CNTNAP2: variants seen among roughly 807,000 people sequenced by gnomAD.
CNTNAP2 encodes the protein contactin associated protein 2.
Under a neutral mutation model 155.2 loss-of-function variants are expected in CNTNAP2, and 98 were observed. That is an observed-to-expected ratio of 0.63 (90% CI 0.54 to 0.75). CNTNAP2 has a LOEUF of 0.75. Ranked by LOEUF, CNTNAP2 falls within the 30% of genes least tolerant of loss-of-function variation. The pLI is 0.00. For missense variants in CNTNAP2, 1,727 were observed against 1,688.1 expected (o/e 1.02, Z -0.40); for synonymous variants, 651 against 631.2 (o/e 1.03, Z -0.47).
At chr7:146,804,313 A>G (rs1802931130) in intron 2 of CNTNAP2, among the ~76,000 whole-genome samples, 1 of 152,218 alleles carries the variant, frequency 6.6e-6, no homozygotes, top group Middle Eastern at 3.4e-3. Context: ...AAGCTTATTG[A>G]TCATGCTCAT....
intron 3 of CNTNAP2, among the ~76,000 whole-genome samples, chr7:146,879,408 G>C (rs1403005098): frequency 6.6e-6 from 1 of 152,052 alleles, no homozygotes; most frequent in Non-Finnish European, 1.5e-5. Flanking sequence ...TTGATAAGCT[G>C]TCAAGAGGCA....
At chr7:147,389,254 T>C (rs1400805551) in intron 9 of CNTNAP2, among the ~76,000 whole-genome samples, 1 of 152,150 alleles carries the variant, frequency 6.6e-6, no homozygotes, top group Non-Finnish European at 1.5e-5. Flanking sequence ...CAAGATCAAA[T>C]TGAAAGGAAG....
At chr7:148,027,662 A>G (rs1210043269) in intron 15 of CNTNAP2, among the ~76,000 whole-genome samples, 3 of 152,228 alleles carry the variant, frequency 2.0e-5, no homozygotes, top group Non-Finnish European at 4.4e-5. Flanking sequence ...ACTTTTAACA[A>G]TCATACCATC....
intron 13 of CNTNAP2, among the ~76,000 whole-genome samples, chr7:147,695,342 G>A (rs894705497): frequency 4.6e-5 from 7 of 152,092 alleles, no homozygotes; most frequent in Non-Finnish European, 8.8e-5. Flanking sequence ...TATAGGTGTC[G>A]ACTGTACCTA....
chr7:146,414,789 C>T (rs1003381704), intron 1 of CNTNAP2, among the ~76,000 whole-genome samples: 1 of 152,096 alleles, frequency 6.6e-6, no homozygotes, highest in Non-Finnish European at 1.5e-5. Context: ...AACTAGAAAA[C>T]ACTTGCCAAG....
chr7:146,874,347 T>A (rs1795375971), intron 3 of CNTNAP2, among the ~76,000 whole-genome samples: 1 of 152,144 alleles, frequency 6.6e-6, no homozygotes, highest in Non-Finnish European at 1.5e-5. Flanking sequence ...TTATTTTATT[T>A]TATTTTTTTG....
At chr7:147,768,125 G>T (rs915877166) in intron 13 of CNTNAP2, among the ~76,000 whole-genome samples, 1 of 152,026 alleles carries the variant, frequency 6.6e-6, no homozygotes, top group Non-Finnish European at 1.5e-5. Flanking sequence ...CAAAGTTTTG[G>T]TATCAAAAGG....
In CNTNAP2 at chr7:147,347,463, T is replaced by TATATATATATATATATATATGC; in HGVS notation, c.1498+47185_1498+47186insATATATATGCATATATATATAT. 4.4e-5 allele frequency among the ~76,000 whole-genome samples: 3 copies of TATATATATATATATATATATGC among 67,852 alleles called. No individual in the cohort carries two copies. The East Asian group carries it at 9.9e-4, about 22-fold the overall frequency. 44.5% of individuals were successfully genotyped at this position (67,852 alleles called of 152,430 possible). Reference sequence around the variant, plus strand: ...ATGCATATATATATATATGCATATATATATATATATATGCATATATATATA... The same window carrying TATATATATATATATATATATGC: ...ATGCATATATATATATATGCATATATATATATATATATATATATATGCATATATATATATGCATATATATATA... On this transcript the variant is annotated intron_variant, in intron 9 of 23. Coordinates refer to ENST00000361727, the MANE Select transcript of CNTNAP2 (RefSeq NM_014141.6).
chr7:147,257,157 G>C (rs932192930), intron 8 of CNTNAP2, among the ~76,000 whole-genome samples: 6 of 152,182 alleles, frequency 3.9e-5, no homozygotes, highest in African/African-American at 1.4e-4. Flanking sequence ...TTAGTAGAGA[G>C]ATGGAGTTGT....
Position 146,480,971 on chromosome 7 carries a change from C to T in CNTNAP2, c.98-293300C>T, listed in dbSNP as rs148826583. Among the ~76,000 whole-genome samples, 828 of 151,916 alleles carry T rather than the reference C, an allele frequency of 5.5e-3. 7 individuals are homozygous for T. The highest frequency in any genetic ancestry group is 9.2e-3 in the Non-Finnish European group (628 of 67,956). The stretch of plus-strand genomic sequence containing the variant: ...CTGGTACCACAGGCATGAGCCACCG[C>T]GCCCGGCCCCCAGAACCTGGTATAT... On this transcript the variant is annotated intron_variant, in intron 1 of 23. Coordinates refer to ENST00000361727, the MANE Select transcript of CNTNAP2 (RefSeq NM_014141.6).
At chr7:146,842,778 C>A (rs889379349) in intron 3 of CNTNAP2, among the ~76,000 whole-genome samples, 1 of 151,856 alleles carries the variant, frequency 6.6e-6, no homozygotes, top group Non-Finnish European at 1.5e-5. Flanking sequence ...CTCCGCCTCC[C>A]GGTTTCACGC....
At chr7:146,172,185 A>G (rs1450640431) in intron 1 of CNTNAP2, among the ~76,000 whole-genome samples, 1 of 151,966 alleles carries the variant, frequency 6.6e-6, no homozygotes, top group Non-Finnish European at 1.5e-5. Context: ...TTCTGAAAAT[A>G]CCTATTTCTT....
intron 12 of CNTNAP2, among the ~76,000 whole-genome samples, chr7:147,606,830 G>T (rs1324200866): frequency 1.3e-5 from 2 of 152,204 alleles, no homozygotes; most frequent in African/African-American, 4.8e-5. Context: ...TTGAAGCTGA[G>T]ACCTAAGGGA....
chr7:146,547,332 A>G (rs1377818653), intron 1 of CNTNAP2, among the ~76,000 whole-genome samples: 1 of 151,496 alleles, frequency 6.6e-6, no homozygotes, highest in Non-Finnish European at 1.5e-5. Flanking sequence ...TTTAATTTTT[A>G]TTTTTTGATT....
chr7:148,088,175 C>T lies in CNTNAP2; in HGVS notation c.2384-29943C>T, dbSNP rs560082870. 1.3e-3 allele frequency among the ~76,000 whole-genome samples: 201 copies of T among 152,002 alleles called. 1 individual carries two copies. Among genetic ancestry groups the T allele is most frequent in the Non-Finnish European group, 1.7e-3 (114 of 67,894 alleles). On this transcript the variant is annotated intron_variant, in intron 15 of 23. Coordinates refer to ENST00000361727, the MANE Select transcript of CNTNAP2 (RefSeq NM_014141.6). Reference sequence around the variant, plus strand: ...GTCAATATGTTTTGCATTTTGCTTTCCCACCTCCAATGAATTAGTATAAAC... The same window carrying T: ...GTCAATATGTTTTGCATTTTGCTTTTCCACCTCCAATGAATTAGTATAAAC...
intron 1 of CNTNAP2, among the ~76,000 whole-genome samples, chr7:146,286,348 G>A (rs1800336953): frequency 6.6e-6 from 1 of 151,798 alleles, no homozygotes; most frequent in Admixed American, 6.6e-5. Context: ...TCCATAATAA[G>A]AGCTGAGTTC....
intron 1 of CNTNAP2, among the ~76,000 whole-genome samples, chr7:146,199,643 C>T (rs1798828268): frequency 6.6e-6 from 1 of 152,078 alleles, no homozygotes; most frequent in Non-Finnish European, 1.5e-5. Flanking sequence ...TTACTGTGGC[C>T]ATAAAAATAA....
chr7:147,179,364 A>C (rs1802411401), intron 8 of CNTNAP2, among the ~76,000 whole-genome samples: 1 of 152,206 alleles, frequency 6.6e-6, no homozygotes, highest in Non-Finnish European at 1.5e-5. Context: ...TGAGGAGACA[A>C]TATTATAATG....
chr7:146,950,660 A>G (rs1447335095), intron 3 of CNTNAP2, among the ~76,000 whole-genome samples: 1 of 152,132 alleles, frequency 6.6e-6, no homozygotes, highest in Non-Finnish European at 1.5e-5. Context: ...TCCATGGTGT[A>G]TATGTGCCAC....
Sources: allele counts gnomAD v4.1 joint callset (sites outside exome capture counted in the v4.1 genomes callset), GRCh38; gene constraint gnomAD v4.1.1; transcripts MANE v1.5; gene names NCBI Gene and HGNC (gene_info 2026-07-23, HGNC 2026-07-21).